SLC24A2: variants seen among roughly 807,000 people sequenced by gnomAD.
SLC24A2 encodes solute carrier family 24 member 2.
A neutral mutation model predicts 62.0 loss-of-function variants in SLC24A2; 36 were observed. That is an observed-to-expected ratio of 0.58 (90% CI 0.44 to 0.77). The LOEUF (loss-of-function observed/expected upper bound fraction) is 0.77, where lower values mean the gene tolerates loss of function less well. Ranked by LOEUF, SLC24A2 falls within the 30% of genes least tolerant of loss-of-function variation. The probability of loss-of-function intolerance (pLI) is 0.00; values close to 1 mark genes in which losing one functional copy is unlikely to be tolerated. For missense variants in SLC24A2, 846 were observed against 817.9 expected (o/e 1.03, Z -0.42); for synonymous variants, 358 against 294.0 (o/e 1.22, Z -2.23).
At chr9:19,722,669 AC>A (rs1274838388) in intron 2 of SLC24A2, among the ~76,000 whole-genome samples, 6 of 144,268 alleles carry the variant, frequency 4.2e-5, no homozygotes, top group Admixed American at 3.5e-4. Context: ...AAAAAAAAAA[AC>A]CACGATATTC....
At chr9:19,613,642 G>A (rs1345702140) in intron 4 of SLC24A2, among the ~76,000 whole-genome samples, 1 of 152,128 alleles carries the variant, frequency 6.6e-6, no homozygotes, top group African/African-American at 2.4e-5. Context: ...AGTGGTAGCA[G>A]TAGTAGTAGT....
At chr9:19,664,483 A>T (rs1819191790) in intron 2 of SLC24A2, among the ~76,000 whole-genome samples, 1 of 152,230 alleles carries the variant, frequency 6.6e-6, no homozygotes, top group Non-Finnish European at 1.5e-5. Context: ...CTGTTGTATA[A>T]ATGAGAAATC....
intron 8 of SLC24A2, among the ~76,000 whole-genome samples, chr9:19,545,316 T>A (rs557226383): frequency 2.0e-5 from 3 of 152,242 alleles, no homozygotes; most frequent in African/African-American, 7.2e-5. Flanking sequence ...TTATTCCAGT[T>A]AGCAATTCGC....
At chr9:20,112,827 C>T in the SLC24A2 span, among the ~76,000 whole-genome samples, 1 of 151,910 alleles carries the variant, frequency 6.6e-6, no homozygotes, top group Non-Finnish European at 1.5e-5. Context: ...ACCAGCCACC[C>T]CCCACCTCCC....
At chr9:19,917,716 TG>T in the SLC24A2 span, among the ~76,000 whole-genome samples, 1 of 152,144 alleles carries the variant, frequency 6.6e-6, no homozygotes, top group Non-Finnish European at 1.5e-5. Context: ...TTTGTATTTT[TG>T]TCTCATATCT....
chr9:19,901,084 G>T, the SLC24A2 span, among the ~76,000 whole-genome samples: 2 of 152,150 alleles, frequency 1.3e-5, no homozygotes, highest in Admixed American at 1.3e-4. Flanking sequence ...TATTCATTTA[G>T]CCAGTCGTGC....
the SLC24A2 span, among the ~76,000 whole-genome samples, chr9:20,210,027 AG>A: frequency 2.0e-5 from 3 of 152,216 alleles, no homozygotes; most frequent in African/African-American, 7.2e-5. Context: ...GCTTAATTGA[AG>A]GGGTCTTGTG....
chr9:20,066,518 A>G, the SLC24A2 span, among the ~76,000 whole-genome samples: 1 of 152,108 alleles, frequency 6.6e-6, no homozygotes, highest in Non-Finnish European at 1.5e-5. Flanking sequence ...TGACTGTCTC[A>G]CTCTGTGTCT....
the SLC24A2 span, among the ~76,000 whole-genome samples, chr9:20,274,986 G>A: frequency 3.3e-5 from 5 of 152,200 alleles, no homozygotes; most frequent in South Asian, 4.2e-4. Flanking sequence ...ACCTCAGTCA[G>A]ACCCTAGATG....
intron 2 of SLC24A2, among the ~76,000 whole-genome samples, chr9:19,683,655 G>C (rs150771496): frequency 1.3e-3 from 194 of 152,064 alleles, no homozygotes; most frequent in Admixed American, 5.2e-3. Context: ...TTTAAATGGA[G>C]GCTTTCAACC....
the SLC24A2 span, among the ~76,000 whole-genome samples, chr9:20,049,527 ACACT>A: frequency 2.6e-5 from 4 of 150,944 alleles, no homozygotes; most frequent in Non-Finnish European, 5.9e-5. Flanking sequence ...GAACACTGAC[ACACT>A]CACACACAAC....
intron 2 of SLC24A2, among the ~76,000 whole-genome samples, chr9:19,662,722 A>T (rs1339311392): frequency 1.3e-5 from 2 of 152,144 alleles, no homozygotes; most frequent in Non-Finnish European, 2.9e-5. Flanking sequence ...TCTCTTTTGA[A>T]AAGTAACACC....
chr9:19,657,437 G>C (rs560048272), intron 2 of SLC24A2, among the ~76,000 whole-genome samples: 26 of 152,002 alleles, frequency 1.7e-4, no homozygotes, highest in African/African-American at 6.3e-4. Context: ...GTGCAGGTTT[G>C]TTACATAGAC....
chr9:19,897,142 C>T, the SLC24A2 span, among the ~76,000 whole-genome samples: 1 of 152,298 alleles, frequency 6.6e-6, no homozygotes, highest in East Asian at 1.9e-4. Flanking sequence ...GACTGGGAAA[C>T]TGGGCCTTGG....
At chr9:19,611,538 G>A (rs1216538943) in intron 4 of SLC24A2, among the ~76,000 whole-genome samples, 2 of 152,156 alleles carry the variant, frequency 1.3e-5, no homozygotes, top group East Asian at 1.9e-4. Context: ...GCCGCTGTAC[G>A]CTCTAGGGCT....
chr9:19,560,647 A>C (rs1835342959), intron 7 of SLC24A2, among the ~76,000 whole-genome samples: 1 of 152,228 alleles, frequency 6.6e-6, no homozygotes, highest in Non-Finnish European at 1.5e-5. Flanking sequence ...CTGTTGTTTA[A>C]GCCACCAAGT....
chr9:19,516,784 C>A (rs1166679749), intron 10 of SLC24A2, among the ~76,000 whole-genome samples: 1 of 151,940 alleles, frequency 6.6e-6, no homozygotes, highest in Non-Finnish European at 1.5e-5. Context: ...GTGAAGGGAG[C>A]AGGCAGGTGC....
At chr9:20,165,162 T>G in the SLC24A2 span, among the ~76,000 whole-genome samples, 1 of 151,532 alleles carries the variant, frequency 6.6e-6, no homozygotes, top group African/African-American at 2.4e-5. Context: ...GATATGAAAA[T>G]AACACGGAAA....
rs756089999 is a variant in SLC24A2, at chr9:19,528,046, T to C, written c.1569+3A>G. On this transcript the variant is annotated splice_donor_region_variant and intron_variant, in intron 9 of 10. Coordinates refer to ENST00000341998, the MANE Select transcript of SLC24A2 (RefSeq NM_020344.4). Reference sequence around the variant, plus strand: ...CAGAGGCATGTCACTATCAAAATCTTACCTGGTGCGCCCACCAGACCATCA... The same window carrying C: ...CAGAGGCATGTCACTATCAAAATCTCACCTGGTGCGCCCACCAGACCATCA... 1.2e-5 allele frequency: 19 copies of C among 1,557,982 alleles called. No individual in the cohort carries two copies. The Admixed American group carries it at 3.2e-4, about 27-fold the overall frequency.
Sources: allele counts gnomAD v4.1 joint callset (sites outside exome capture counted in the v4.1 genomes callset), GRCh38; gene constraint gnomAD v4.1.1; transcripts MANE v1.5; gene names NCBI Gene and HGNC (gene_info 2026-07-23, HGNC 2026-07-21).